The following BPTF variants were observed in gnomAD, a reference collection of about 807,000 sequenced individuals.
BPTF encodes bromodomain PHD finger transcription factor.
Under a neutral mutation model 292.5 loss-of-function variants are expected in BPTF, and 18 were observed. The ratio of observed to expected loss-of-function variants is 0.06; its 90% CI spans 0.04 to 0.09. The LOEUF (loss-of-function observed/expected upper bound fraction) is 0.09, where lower values mean the gene tolerates loss of function less well. Among genes scored for constraint, BPTF ranks in the 10% least tolerant of loss-of-function variants. The probability of loss-of-function intolerance (pLI) is 1.00; values close to 1 mark genes in which losing one functional copy is unlikely to be tolerated. For synonymous variants in BPTF, 1,225 were observed against 1,251.9 expected, an observed-to-expected ratio of 0.98 and a Z score of 0.45; for missense variants, 2,726 against 3,498.7, an observed-to-expected ratio of 0.78 and a Z score of 5.57.
chr17:67,912,494 A>G lies in BPTF; in HGVS notation c.4610A>G (p.Glu1537Gly). 2 of 1,614,012 alleles carry G rather than the reference A, an allele frequency of 1.2e-6. No homozygotes were observed. Among genetic ancestry groups the G allele is most frequent in the Admixed American group, 3.3e-5 (2 of 59,994 alleles). The change falls in exon 11 of 28, where the codon GAA becomes GGA. Residue 1537 changes from glutamate to glycine, a missense_variant. Glu to Gly is a moderately conservative substitution (Grantham distance 98). Transcript: ENST00000306378. ...AATCAGGTAGAAGATATGGAAATAG[A>G]AACCTCAGAAGTTAAGAAAGTTACT... ...SVNQVEDMEIETSEVKKVTSS... is the reference protein window; with the variant it reads ...SVNQVEDMEIGTSEVKKVTSS...
chr17:67,978,622 G>C (rs1231393741), intron 27 of BPTF, among the ~76,000 whole-genome samples: 2 of 152,002 alleles, frequency 1.3e-5, no homozygotes, highest in Non-Finnish European at 2.9e-5. Flanking sequence ...TTTGAGTTCA[G>C]AAAACAAGTG....
intron 3 of BPTF, among the ~76,000 whole-genome samples, chr17:67,867,936 C>G (rs926149173): frequency 6.6e-6 from 1 of 152,160 alleles, no homozygotes; most frequent in South Asian, 2.1e-4. Flanking sequence ...TAAACAGCCA[C>G]ACTTAGCGGG....
intron 9 of BPTF, among the ~76,000 whole-genome samples, chr17:67,908,734 G>A (rs1477438624): frequency 6.7e-6 from 1 of 149,548 alleles, no homozygotes; most frequent in Non-Finnish European, 1.5e-5. Flanking sequence ...CAAGTGATCC[G>A]CCCACCTTGG....
rs371817782 is a variant in BPTF, at chr17:67,826,473, C to G, written c.613+136C>G. 396 of 978,250 alleles carry G rather than the reference C, an allele frequency of 4.0e-4. 1 individual carries two copies. The highest frequency in any genetic ancestry group is 1.0e-3 in the East Asian group (33 of 32,298). 60.6% of individuals were successfully genotyped at this position (978,250 alleles called of 1,614,324 possible). The stretch of plus-strand genomic sequence containing the variant: ...CCCCCCAAACAGAGGGGAAATGCGA[C>G]GGCACATCAAGTGGCAAAAAACTAG... On this transcript the variant is annotated intron_variant, in intron 1 of 27. Coordinates refer to ENST00000306378, the MANE Select transcript of BPTF (RefSeq NM_182641.4).
chr17:67,826,511 A>G (rs549275193), intron 1 of BPTF, among the ~76,000 whole-genome samples, 174 bp downstream of exon 1: 5 of 150,422 alleles, frequency 3.3e-5, no homozygotes, highest in East Asian at 3.9e-4. Context: ...TTACAAGAGG[A>G]AAGAGGCGCA....
chr17:67,958,619 G>T (rs1320943288), intron 23 of BPTF, among the ~76,000 whole-genome samples: 1 of 151,510 alleles, frequency 6.6e-6, no homozygotes, highest in Non-Finnish European at 1.5e-5. Context: ...ATCCTAGCTA[G>T]TTGGGAGGCT....
At chr17:67,871,644 A>G (rs2059745419) in intron 3 of BPTF, among the ~76,000 whole-genome samples, 1 of 152,122 alleles carries the variant, frequency 6.6e-6, no homozygotes, top group South Asian at 2.1e-4. Flanking sequence ...ATGGCTTCTA[A>G]AACCTGGTAG....
chr17:67,918,622 C>A, intron 11 of BPTF, 92 bp from the exon 12 acceptor site: 1 of 1,234,952 alleles, frequency 8.1e-7, no homozygotes, highest in Non-Finnish European at 1.1e-6. Context: ...GGACAAGAAA[C>A]ACAGCCCTTC....
intron 4 of BPTF, among the ~76,000 whole-genome samples, chr17:67,882,379 A>G (rs2060479376): frequency 6.6e-6 from 1 of 152,214 alleles, no homozygotes; most frequent in Admixed American, 6.5e-5. Context: ...ATCAGTTTAC[A>G]TTGACATTTC....
intron 13 of BPTF, 108 bp from the exon 14 acceptor site, chr17:67,922,732 C>G (rs113361619): frequency 1.6e-6 from 2 of 1,216,952 alleles, no homozygotes; most frequent in Non-Finnish European, 2.3e-6. Context: ...CAGAGACCAT[C>G]TGGCTATTTA....
rs565298992 is a variant in BPTF at position 67,904,948 on chromosome 17, T to C, written c.2812+108T>C. On this transcript the variant is annotated intron_variant, in intron 9 of 27. Transcript: ENST00000306378. ...AGATAAAAACATTTTTCTGAAATTT[T>C]TATTCGTACTGCAGAATTACTAGTT... The C allele has an allele frequency of 7.0e-6, 6 of 859,394 alleles. 1 individual carries two copies. The highest frequency in any genetic ancestry group is 6.9e-5 in the African/African-American group (4 of 57,632). The allele number at this position is 859,394 out of a possible 1,614,324, so 53.2% of individuals were successfully genotyped here. A position where few individuals can be genotyped will look rare whatever the true frequency, so the allele number is the denominator to read the frequency against.
chr17:67,958,916 G>A (rs1412112385), intron 23 of BPTF, among the ~76,000 whole-genome samples: 1 of 152,188 alleles, frequency 6.6e-6, no homozygotes, highest in East Asian at 1.9e-4. Context: ...GCAGTGAGCT[G>A]AGATTGCACC....
intron 26 of BPTF, among the ~76,000 whole-genome samples, chr17:67,973,084 T>G (rs2148557882): frequency 6.9e-6 from 1 of 145,186 alleles, no homozygotes; most frequent in Non-Finnish European, 1.5e-5. Context: ...ATATAATATA[T>G]ATATATAAGG....
chr17:67,899,493 T>C (rs895130495), intron 7 of BPTF, among the ~76,000 whole-genome samples: 2 of 152,040 alleles, frequency 1.3e-5, no homozygotes, highest in Non-Finnish European at 2.9e-5. Context: ...ACAATACTGC[T>C]CTATGCAGGT....
At chr17:67,949,104 G>T (rs1555677024) in intron 23 of BPTF, among the ~76,000 whole-genome samples, 2 of 152,212 alleles carry the variant, frequency 1.3e-5, no homozygotes, top group African/African-American at 4.8e-5. Flanking sequence ...GGTGGTTCAT[G>T]CCCATAATCC....
chr17:67,889,737 G>A (rs1015741503), intron 4 of BPTF, among the ~76,000 whole-genome samples: 1 of 152,178 alleles, frequency 6.6e-6, no homozygotes, highest in African/African-American at 2.4e-5. Flanking sequence ...GAACCCAGGA[G>A]GCAGAGGTTG....
rs1454508215 is a variant in BPTF, at chr17:67,929,884, G to A, written c.6150+397G>A. ...TAATCCGAACACTTTGGGAGGCCAAGGCGGGTGGATCACTTGAGCTCAGGA... is the reference window on the plus strand; with the variant it reads ...TAATCCGAACACTTTGGGAGGCCAAAGCGGGTGGATCACTTGAGCTCAGGA... On this transcript the variant is annotated intron_variant, in intron 17 of 27. Transcript: ENST00000306378. 2.0e-5 allele frequency among the ~76,000 whole-genome samples: 3 copies of A among 152,184 alleles called. No individual in the cohort carries two copies. In the East Asian group the frequency reaches 5.8e-4, roughly 29 times the overall value.
rs781919317 is a variant in BPTF, at chr17:67,959,752, G to A, written c.8138G>A (p.Arg2713Gln). 1.9e-6 allele frequency: 3 copies of A among 1,612,568 alleles called. No homozygotes were observed. Among genetic ancestry groups the A allele is most frequent in the South Asian group, 1.1e-5 (1 of 91,038 alleles). The change falls in exon 24 of 28, where the codon CGG becomes CAG. Residue 2713 changes from arginine to glutamine, a missense_variant. Around this residue, in one of 22 missense-constraint regions of BPTF, gnomAD observed 148 missense variants for 145.5 expected, o/e 1.02. Transcript: ENST00000306378. Reference sequence around the variant, plus strand: ...CCTGCTGCTTCCCAGAAGAGGAAGCGGGAAGAGGAAAAAGACTCCAGCTCA... The same window carrying A: ...CCTGCTGCTTCCCAGAAGAGGAAGCAGGAAGAGGAAAAAGACTCCAGCTCA... ...TLPAASQKRK[R>Q]EEEKDSSSKS...
chr17:67,980,065 C>A (rs368793504), intron 27 of BPTF, among the ~76,000 whole-genome samples: 4 of 151,566 alleles, frequency 2.6e-5, no homozygotes, highest in Non-Finnish European at 5.9e-5. Context: ...CCTACCCAGG[C>A]CGGGTGTGGT....
Sources: gnomAD v4.1 joint callset for allele counts (sites outside exome capture counted in the v4.1 genomes callset) on GRCh38, gnomAD v4.1.1 for gene constraint, gnomAD v4.1.1 regional missense constraint, MANE v1.5 for transcripts, NCBI Gene and HGNC (gene_info 2026-07-23, HGNC 2026-07-21) for gene names.